The following POU2F2 variants were observed in gnomAD, a reference collection of about 807,000 sequenced individuals.
POU2F2 encodes POU class 2 homeobox 2.
In POU2F2, 14 loss-of-function variants were observed where a neutral mutation model predicts 63.5. That is an observed-to-expected ratio of 0.22 (90% CI 0.15 to 0.34). The LOEUF (loss-of-function observed/expected upper bound fraction) is 0.34. Among genes scored for constraint, POU2F2 ranks in the 10% least tolerant of loss-of-function variants. The probability of loss-of-function intolerance (pLI) is 1.00; values close to 1 mark genes in which losing one functional copy is unlikely to be tolerated. For synonymous variants in POU2F2, 306 were observed against 348.6 expected (o/e 0.88, Z 1.36); for missense variants, 607 against 815.2 (o/e 0.74, Z 3.11).
At position 42,122,533 on chromosome 19, in the gene POU2F2, C is replaced by T. The variant is rs1489389838; in HGVS notation, c.72G>A (p.Leu24=). Reference sequence around the variant, plus strand: ...CACCTGTGTGCTCTGATGGGGAGTCCAGACCTTGCTTCTCGGCCTCCAGGG... The same window carrying T: ...CACCTGTGTGCTCTGATGGGGAGTCTAGACCTTGCTTCTCGGCCTCCAGGG... ...SKPLEAEKQG[L]DSPSEHTDTE... is the part of the protein sequence containing the mutation. Residue 24 remains leucine (L), a synonymous_variant, in exon 2 of 15, where the codon CTG becomes CTA. Transcript: ENST00000692977. The T allele has an allele frequency of 1.2e-6, 2 of 1,607,374 alleles. No homozygotes were observed. Among genetic ancestry groups the T allele is most frequent in the African/African-American group, 1.3e-5 (1 of 74,636 alleles).
upstream of POU2F2, among the ~76,000 whole-genome samples, chr19:42,176,810 C>T (rs975413687): frequency 1.2e-3 from 178 of 151,804 alleles, 2 homozygotes; most frequent in Non-Finnish European, 1.0e-4. Flanking sequence ...GGGGCCGCGG[C>T]GGCGGCTGAC....
At chr19:42,128,720 C>A (rs1034024747) in intron 1 of POU2F2, among the ~76,000 whole-genome samples, 2 of 152,280 alleles carry the variant, frequency 1.3e-5, no homozygotes, top group East Asian at 3.9e-4. Flanking sequence ...AGATGCCCAT[C>A]GCCTATCACT....
At chr19:42,154,762 T>A (rs539209536) in intron 2 of POU2F2, among the ~76,000 whole-genome samples, 6 of 150,040 alleles carry the variant, frequency 4.0e-5, no homozygotes, top group South Asian at 4.2e-4. Flanking sequence ...GTGATGTCTC[T>A]CACACACACA....
chr19:42,174,394 G>A (rs576726590), intron 1 of POU2F2, among the ~76,000 whole-genome samples: 6 of 152,288 alleles, frequency 3.9e-5, no homozygotes, highest in South Asian at 4.1e-4. Context: ...AGCCAGACTC[G>A]GCACATGGGC....
intron 1 of POU2F2, among the ~76,000 whole-genome samples, chr19:42,125,512 T>C (rs759413570): frequency 2.6e-5 from 4 of 152,146 alleles, no homozygotes; most frequent in Non-Finnish European, 4.4e-5. Flanking sequence ...AGAAGGGAGC[T>C]GGGCAGCAAG....
At chr19:42,135,463 A>C (rs1388252424), upstream of POU2F2, among the ~76,000 whole-genome samples, 1 of 151,858 alleles carries the variant, frequency 6.6e-6, no homozygotes, top group African/African-American at 2.4e-5. Context: ...TGGCAGGAAA[A>C]CAGGATGATA....
chr19:42,129,487 T>C (rs1273761417), intron 1 of POU2F2, among the ~76,000 whole-genome samples: 2 of 151,932 alleles, frequency 1.3e-5, no homozygotes, highest in Admixed American at 6.6e-5. Context: ...CCTCTGCATT[T>C]CCCCCCGCCA....
At chr19:42,124,032 A>T (rs1316541555) in intron 1 of POU2F2, among the ~76,000 whole-genome samples, 3 of 152,158 alleles carry the variant, frequency 2.0e-5, no homozygotes, top group Admixed American at 2.0e-4. Flanking sequence ...AGCCAGGCAC[A>T]GTGGTTCACG....
intron 2 of POU2F2, among the ~76,000 whole-genome samples, chr19:42,142,300 C>T (rs1313303690): frequency 6.6e-6 from 1 of 152,020 alleles, no homozygotes. Context: ...AAGGGATTCT[C>T]CTGCCTCAGC....
intron 7 of POU2F2, chr19:42,099,292 A>C: frequency 1.9e-6 from 1 of 517,312 alleles, no homozygotes; most frequent in Non-Finnish European, 3.5e-6. Flanking sequence ...AAAGGAGCTC[A>C]TGTACTAGAA....
chr19:42,093,748 C>A, intron 12 of POU2F2, 81 bp downstream of exon 12: 1 of 1,452,070 alleles, frequency 6.9e-7, no homozygotes, highest in South Asian at 1.3e-5. Context: ...CCATGGACAC[C>A]CAGAGCCACT....
rs966442737 is a variant in POU2F2 at position 42,091,443 on chromosome 19, G to A, written c.1689C>T (p.Thr563=). Residue 563 remains threonine (T), a synonymous_variant, in exon 15 of 15, where the codon ACC becomes ACT. Transcript: ENST00000692977. ...CTGAGACCAGGCCCACACCAGGCGG[G>A]GTGCTGAGCAGGGGCAGCCCAGCAT... ...LNHAGLPLLS[T]PPGVGLVSAA... The A allele has an allele frequency of 1.3e-6, 2 of 1,550,840 alleles. No homozygotes were observed. Among genetic ancestry groups the A allele is most frequent in the Middle Eastern group, 1.7e-4 (1 of 5,878 alleles).
chr19:42,127,695 C>T (rs984928984), intron 1 of POU2F2, among the ~76,000 whole-genome samples: 1 of 152,010 alleles, frequency 6.6e-6, no homozygotes, highest in African/African-American at 2.4e-5. Flanking sequence ...GCTCTGTTTT[C>T]TATGAAACCA....
upstream of POU2F2, among the ~76,000 whole-genome samples, chr19:42,179,823 T>C (rs2034940770): frequency 6.6e-6 from 1 of 152,114 alleles, no homozygotes; most frequent in South Asian, 2.1e-4. Context: ...GTGTGCATAA[T>C]AGACACAGAA....
At chr19:42,136,626 T>A (rs2034018855), upstream of POU2F2, 1 of 152,282 alleles carries the variant, frequency 6.6e-6, no homozygotes, top group African/African-American at 2.4e-5. Flanking sequence ...TCACACAGCA[T>A]GAGTGGTGGA....
At chr19:42,100,301 G>T (rs1396052152) in intron 5 of POU2F2, among the ~76,000 whole-genome samples, 1 of 151,610 alleles carries the variant, frequency 6.6e-6, no homozygotes, top group Non-Finnish European at 1.5e-5. Context: ...ATGATAGCCA[G>T]GATGGTCTCA....
At chr19:42,116,775 C>T (rs1326774644) in intron 5 of POU2F2, 6 of 357,854 alleles carry the variant, frequency 1.7e-5, no homozygotes, top group South Asian at 1.2e-4. Flanking sequence ...GGCTGGCAGG[C>T]TGTGGTGGTG....
At chr19:42,148,395 G>C (rs903482764) in intron 2 of POU2F2, among the ~76,000 whole-genome samples, 2 of 152,166 alleles carry the variant, frequency 1.3e-5, no homozygotes, top group African/African-American at 2.4e-5. Context: ...GTAAATACGT[G>C]GGTCTGTACA....
chr19:42,178,603 G>C (rs980415971), upstream of POU2F2, among the ~76,000 whole-genome samples: 8 of 152,156 alleles, frequency 5.3e-5, no homozygotes, highest in African/African-American at 1.9e-4. Context: ...TGCAAAGCCA[G>C]AAAGACAGAC....
Sources: allele counts gnomAD v4.1 joint callset (sites outside exome capture counted in the v4.1 genomes callset), GRCh38; gene constraint gnomAD v4.1.1; transcripts MANE v1.5; gene names NCBI Gene and HGNC (gene_info 2026-07-23, HGNC 2026-07-21).